TMEM204: variants seen among roughly 807,000 people sequenced by gnomAD.
TMEM204 encodes claudin-like protein 24.
Under a neutral mutation model 19.4 loss-of-function variants are expected in TMEM204, and 15 were observed. The observed-to-expected ratio is 0.77, with a 90% CI of 0.52 to 1.19. The LOEUF (loss-of-function observed/expected upper bound fraction) is 1.19. TMEM204 is among the 50% of genes most tolerant of loss of function. The pLI is 0.00. For synonymous variants in TMEM204, 161 were observed against 146.0 expected, an observed-to-expected ratio of 1.10 and a Z score of -0.74; for missense variants, 287 against 321.2, an observed-to-expected ratio of 0.89 and a Z score of 0.81.
Position 1,551,943 on chromosome 16 carries a change from C to G in TMEM204, c.437-2839C>G, listed in dbSNP as rs1451046746. On this transcript the variant is annotated intron_variant, in intron 2 of 2. Coordinates refer to ENST00000566264, the MANE Select transcript of TMEM204 (RefSeq NM_024600.6). This position sits in a 1 kb window ranked among gnomAD's most constrained non-coding sequence, Gnocchi z 4.0. ...CTGGTGATGTCCCCGGGGCCTCTCC[C>G]TGGTGACGTGTGGCCCGCGCTGTCC... Among the ~76,000 whole-genome samples the G allele has an allele frequency of 6.6e-6, 1 of 152,166 alleles. No individual in the cohort carries two copies. The highest frequency in any genetic ancestry group is 6.5e-5 in the Admixed American group (1 of 15,286).
chr16:1,549,613 G>C (rs185661294), intron 2 of TMEM204, among the ~76,000 whole-genome samples: 53 of 152,056 alleles, frequency 3.5e-4, no homozygotes, highest in Middle Eastern at 3.4e-3. Context: ...TGTACCTTTA[G>C]TAGAGATGGG....
intron 2 of TMEM204, among the ~76,000 whole-genome samples, chr16:1,544,779 G>C (rs1450252307): frequency 6.6e-6 from 1 of 151,720 alleles, no homozygotes; most frequent in Non-Finnish European, 1.5e-5. Context: ...CTCCCGAGTA[G>C]CTGGGACTAC....
chr16:1,542,116 C>T, intron 2 of TMEM204, 40 bp downstream of exon 2: 2 of 1,531,156 alleles, frequency 1.3e-6, no homozygotes, highest in Admixed American at 2.0e-5. Context: ...GCCCTTGCCC[C>T]CTGTGGCCTT....
chr16:1,547,681 A>G (rs1325914442), intron 2 of TMEM204, among the ~76,000 whole-genome samples: 2 of 152,140 alleles, frequency 1.3e-5, no homozygotes, highest in Non-Finnish European at 2.9e-5. Context: ...GACTACAGGC[A>G]TGAGCCACCA....
chr16:1,549,994 T>C (rs2032500498), intron 2 of TMEM204, among the ~76,000 whole-genome samples: 1 of 152,200 alleles, frequency 6.6e-6, no homozygotes, highest in South Asian at 2.1e-4. Context: ...CTCTTTTTTG[T>C]CGCCCAGGCT....
chr16:1,533,830 C>T lies in TMEM204; in HGVS notation c.-446C>T. The T allele has an allele frequency of 9.1e-6, 2 of 220,198 alleles. No individual in the cohort carries two copies. Among genetic ancestry groups the T allele is most frequent in the Non-Finnish European group, 1.8e-5 (2 of 111,952 alleles). 13.6% of individuals were successfully genotyped at this position (220,198 alleles called of 1,614,324 possible). A position where few individuals can be genotyped will look rare whatever the true frequency, so the allele number is the denominator to read the frequency against. ...AACCCGCTCCACACCGGCCACCCTG[C>T]CCGGAGCCTGGCACTCACAGCAGGC... On this transcript the variant is annotated 5_prime_UTR_variant, in exon 1 of 3. Coordinates refer to ENST00000566264, the MANE Select transcript of TMEM204 (RefSeq NM_024600.6). The surrounding 1 kb of genome is among the most constrained non-coding windows in gnomAD (Gnocchi z 4.7).
At chr16:1,541,827 G>A in intron 1 of TMEM204, 94 bp from the exon 2 acceptor site, 4 of 1,430,032 alleles carry the variant, frequency 2.8e-6, no homozygotes, top group East Asian at 2.6e-5. Context: ...CGCCCTTTCC[G>A]AGGCAAACAG....
rs1468430523 is a variant in TMEM204, at chr16:1,542,048, G to A, written c.408G>A (p.Glu136=). Residue 136 remains glutamate (E), a synonymous_variant, in exon 2 of 3, where the codon GAG becomes GAA. Transcript: ENST00000566264. ...CACCCGACGCCCCGTGCTGGGAGGA[G>A]GCCATGGCCGCTGCATTCCAACTGG... The part of the protein sequence containing the change: ...LLSPDAPCWE[E]AMAAAFQLAS... 1.2e-6 allele frequency: 2 copies of A among 1,610,070 alleles called. No individual in the cohort carries two copies. The highest frequency in any genetic ancestry group is 2.7e-5 in the African/African-American group (2 of 75,024).
upstream of TMEM204, chr16:1,528,801 G>C (rs2030113402): frequency 6.6e-6 from 1 of 152,486 alleles, no homozygotes; most frequent in African/African-American, 2.4e-5. Flanking sequence ...GTCCCGGTGA[G>C]TGAGCGGAGC....
At chr16:1,529,620 C>T (rs1189656507), upstream of TMEM204, among the ~76,000 whole-genome samples, 3 of 152,242 alleles carry the variant, frequency 2.0e-5, no homozygotes, top group Admixed American at 6.5e-5. Flanking sequence ...GGCTGTGCTG[C>T]CCTCGGTCCT....
At chr16:1,532,525 C>T (rs545669627), upstream of TMEM204, 2 of 152,404 alleles carry the variant, frequency 1.3e-5, no homozygotes, top group African/African-American at 4.8e-5. Context: ...GAAGTGGCAG[C>T]TCTCGGGACC....
chr16:1,541,696 G>A (rs1274343930), intron 1 of TMEM204, among the ~76,000 whole-genome samples: 2 of 152,124 alleles, frequency 1.3e-5, no homozygotes, highest in Non-Finnish European at 2.9e-5. Context: ...AGCCAGGCCC[G>A]GCGGCTGGGA....
chr16:1,554,321 C>T (rs1222435865), intron 2 of TMEM204, among the ~76,000 whole-genome samples: 1 of 152,232 alleles, frequency 6.6e-6, no homozygotes, highest in Non-Finnish European at 1.5e-5. Context: ...AAAGTCTTTT[C>T]TTTGAATGAA....
At chr16:1,540,896 G>A (rs1270962587) in intron 1 of TMEM204, 3 of 985,314 alleles carry the variant, frequency 3.0e-6, no homozygotes, top group Non-Finnish European at 1.2e-6. Flanking sequence ...TGCAGTCCCT[G>A]ACTCCAGGCT....
intron 1 of TMEM204, chr16:1,540,694 G>A (rs2031550886): frequency 2.7e-6 from 1 of 368,832 alleles, no homozygotes; most frequent in African/African-American, 2.2e-5. Context: ...CCTGAGTGGT[G>A]AGGCTGCTTC....
intron 2 of TMEM204, among the ~76,000 whole-genome samples, chr16:1,543,513 C>T (rs2031854499): frequency 6.6e-6 from 1 of 152,206 alleles, no homozygotes; most frequent in Non-Finnish European, 1.5e-5. Context: ...GAGCACAGGG[C>T]GTGGAGCCTG....
chr16:1,551,366 G>A lies in TMEM204; in HGVS notation c.437-3416G>A, dbSNP rs956395624. On this transcript the variant is annotated intron_variant, in intron 2 of 2. Coordinates refer to ENST00000566264, the MANE Select transcript of TMEM204 (RefSeq NM_024600.6). The surrounding 1 kb of genome is among the most constrained non-coding windows in gnomAD (Gnocchi z 4.0). ...GCCCCTCCTCCCCAGGGCCAGTCAAGCCGGGGACAGTGGCACGAGGAGAAG... is the reference window on the plus strand; with the variant it reads ...GCCCCTCCTCCCCAGGGCCAGTCAAACCGGGGACAGTGGCACGAGGAGAAG... Among the ~76,000 whole-genome samples, 7 of 152,126 alleles carry A rather than the reference G, an allele frequency of 4.6e-5. No homozygotes were observed. Among genetic ancestry groups the A allele is most frequent in the Admixed American group, 1.3e-4 (2 of 15,284 alleles).
Position 1,542,069 on chromosome 16 carries a change from A to C in TMEM204, c.429A>C (p.Gln143His). The C allele has an allele frequency of 6.2e-7, 1 of 1,605,976 alleles. No individual in the cohort carries two copies. Among genetic ancestry groups the C allele is most frequent in the Non-Finnish European group, 8.5e-7 (1 of 1,177,166 alleles). ...AGGAGGCCATGGCCGCTGCATTCCA[A>C]CTGGCGAGTAAGTACCTGGGCGGGT... ...CWEEAMAAAF[Q>H]LASFVLVIGL... Residue 143 changes from glutamine to histidine, a missense_variant, in exon 2 of 3, where the codon CAA (glutamine) becomes CAC (histidine). Physicochemically the swap from Gln to His is conservative, Grantham distance 24. Transcript: ENST00000566264.
At position 1,533,930 on chromosome 16, in the gene TMEM204, G is replaced by A; in HGVS notation, c.-346G>A. 5.7e-6 allele frequency: 2 copies of A among 350,452 alleles called. No homozygotes were observed. The highest frequency in any genetic ancestry group is 5.0e-5 in the Admixed American group (1 of 20,088). The allele number at this position is 350,452 out of a possible 1,614,324, so 21.7% of individuals were successfully genotyped here. On this transcript the variant is annotated 5_prime_UTR_variant, in exon 1 of 3. Transcript: ENST00000566264. This position sits in a 1 kb window ranked among gnomAD's most constrained non-coding sequence, Gnocchi z 4.7. ...CCGAGTGACTCTGTTTTCCACTGCT[G>A]CAGGCGAGAAGAGGCACGCGCGGCA...
Sources: allele counts gnomAD v4.1 joint callset (sites outside exome capture counted in the v4.1 genomes callset), GRCh38; gene constraint gnomAD v4.1.1; non-coding constraint Gnocchi (gnomAD v3.1); transcripts MANE v1.5; gene names NCBI Gene and HGNC (gene_info 2026-07-23, HGNC 2026-07-21).